Variants in CADM2 observed in about 807,000 individuals in gnomAD.
The protein encoded by CADM2 is immunoglobulin superfamily member 4D.
In CADM2, 12 loss-of-function variants were observed where a neutral mutation model predicts 49.8. The observed-to-expected ratio is 0.24, with a 90% confidence interval of 0.15 to 0.39. The LOEUF (loss-of-function observed/expected upper bound fraction) is 0.39. Among genes scored for constraint, CADM2 ranks in the 10% least tolerant of loss-of-function variants. CADM2 has a pLI of 1.00. For synonymous variants in CADM2, 214 were observed against 175.4 expected (o/e 1.22, Z -1.74); for missense variants, 378 against 492.3 (o/e 0.77, Z 2.20).
At chr3:85,235,020 C>CCTCT (rs920096759) in intron 1 of CADM2, among the ~76,000 whole-genome samples, 12 of 150,694 alleles carry the variant, frequency 8.0e-5, no homozygotes, top group African/African-American at 2.7e-4. Context: ...TTATTAGTGA[C>CCTCT]CTCTCTCTCT....
chr3:85,650,090 A>G (rs2064999572), intron 1 of CADM2, among the ~76,000 whole-genome samples: 1 of 152,142 alleles, frequency 6.6e-6, no homozygotes, highest in African/African-American at 2.4e-5. Flanking sequence ...TTGTGGCTAC[A>G]TATTTTATCT....
chr3:85,174,509 T>C (rs534881675), intron 1 of CADM2, among the ~76,000 whole-genome samples: 52 of 146,376 alleles, frequency 3.6e-4, no homozygotes, highest in Admixed American at 3.3e-3. Flanking sequence ...TATGTGTGTG[T>C]ATATATAAAT....
In CADM2 at chr3:85,564,979, A is replaced by C. The variant is rs143248170; in HGVS notation, c.62-161543A>C. ...ATATAGCTCGAAGCTTTAGATATGCATAGATCTAATTTATGCAAATCAGAG... is the reference window on the plus strand; with the variant it reads ...ATATAGCTCGAAGCTTTAGATATGCCTAGATCTAATTTATGCAAATCAGAG... On this transcript the variant is annotated intron_variant, in intron 1 of 9. Transcript: ENST00000383699. 3.1e-3 allele frequency among the ~76,000 whole-genome samples: 476 copies of C among 152,272 alleles called. 1 individual carries two copies. Among genetic ancestry groups the C allele is most frequent in the African/African-American group, 9.0e-3 (374 of 41,580 alleles).
intron 1 of CADM2, among the ~76,000 whole-genome samples, chr3:85,646,258 C>G (rs1461697325): frequency 6.6e-6 from 1 of 151,976 alleles, no homozygotes; most frequent in African/African-American, 2.4e-5. Flanking sequence ...TGTTTATAGA[C>G]ATGTCAATCT....
intron 1 of CADM2, among the ~76,000 whole-genome samples, chr3:85,126,476 T>C (rs1400386035): frequency 6.6e-6 from 1 of 152,150 alleles, no homozygotes; most frequent in Admixed American, 6.5e-5. Context: ...AAATTTTAAA[T>C]ATAAGAAACA....
intron 1 of CADM2, among the ~76,000 whole-genome samples, chr3:85,194,244 T>A (rs1178831942): frequency 1.3e-5 from 2 of 151,516 alleles, no homozygotes; most frequent in African/African-American, 4.9e-5. Flanking sequence ...CCAGAGAGAG[T>A]GTGGGGCAGG....
intron 3 of CADM2, among the ~76,000 whole-genome samples, chr3:85,820,467 A>T (rs2073483785): frequency 6.6e-6 from 1 of 152,118 alleles, no homozygotes; most frequent in African/African-American, 2.4e-5. Flanking sequence ...ATGAGAATAG[A>T]TGGAATGTTC....
intron 1 of CADM2, among the ~76,000 whole-genome samples, chr3:85,047,165 A>G (rs1233343900): frequency 1.3e-5 from 2 of 152,264 alleles, no homozygotes; most frequent in South Asian, 2.1e-4. Context: ...AATTTCTGTC[A>G]TCATATTCCT....
At chr3:85,830,796 A>ATTTT (rs1487823515) in intron 3 of CADM2, among the ~76,000 whole-genome samples, 6 of 133,286 alleles carry the variant, frequency 4.5e-5, no homozygotes, top group South Asian at 5.1e-4. Flanking sequence ...GTCTTTGTGC[A>ATTTT]TTTTATTTAT....
At chr3:85,751,986 G>A (rs2107862981) in intron 2 of CADM2, among the ~76,000 whole-genome samples, 1 of 151,914 alleles carries the variant, frequency 6.6e-6, no homozygotes, top group African/African-American at 2.4e-5. Context: ...AATCAAAAAG[G>A]GCCCTAGCAC....
intron 5 of CADM2, among the ~76,000 whole-genome samples, chr3:85,889,580 T>G (rs1448101246): frequency 1.3e-5 from 2 of 152,190 alleles, no homozygotes; most frequent in Non-Finnish European, 2.9e-5. Context: ...CTGAGCTTTC[T>G]TTTTCTCCTT....
intron 2 of CADM2, among the ~76,000 whole-genome samples, chr3:85,772,780 G>T (rs1366226546): frequency 2.7e-5 from 4 of 150,042 alleles, no homozygotes; most frequent in African/African-American, 7.3e-5. Flanking sequence ...TCACAGTCTA[G>T]AACAGAAGCT....
At chr3:85,942,235 C>A (rs767231807) in intron 7 of CADM2, among the ~76,000 whole-genome samples, 1 of 152,042 alleles carries the variant, frequency 6.6e-6, no homozygotes, top group Non-Finnish European at 1.5e-5. Flanking sequence ...AAAATACCAC[C>A]AGGCCTGCCC....
chr3:85,082,272 A>T (rs1336156632), intron 1 of CADM2, among the ~76,000 whole-genome samples: 2 of 152,154 alleles, frequency 1.3e-5, no homozygotes, highest in African/African-American at 4.8e-5. Context: ...CAATAAATTG[A>T]TATGTACTTT....
chr3:85,336,886 T>A (rs2107174798), intron 1 of CADM2, among the ~76,000 whole-genome samples: 1 of 141,930 alleles, frequency 7.0e-6, no homozygotes, highest in Admixed American at 7.3e-5. Flanking sequence ...ATATATGAAT[T>A]ATATATATAT....
intron 1 of CADM2, among the ~76,000 whole-genome samples, chr3:85,408,451 G>T (rs570255828): frequency 6.6e-6 from 1 of 152,298 alleles, no homozygotes; most frequent in East Asian, 1.9e-4. Context: ...TGAACCAGTT[G>T]TTCTAAAACT....
rs572458631 is a variant in CADM2, at chr3:85,220,150, A to G, written c.61+260482A>G. On this transcript the variant is annotated intron_variant, in intron 1 of 9. Transcript: ENST00000383699. The stretch of plus-strand genomic sequence containing the variant: ...TAAAATTTTTTTGGCTAGGTTTTCC[A>G]ACAAAATACTAGATTTTTGTTGTTG... Among the ~76,000 whole-genome samples the G allele has an allele frequency of 6.6e-4, 101 of 152,196 alleles. 1 individual carries two copies. The highest frequency in any genetic ancestry group is 2.3e-3 in the African/African-American group (97 of 41,530).
chr3:85,410,410 T>C (rs2035600863), intron 1 of CADM2, among the ~76,000 whole-genome samples: 1 of 152,170 alleles, frequency 6.6e-6, no homozygotes, highest in South Asian at 2.1e-4. Flanking sequence ...TATCTCTCCT[T>C]TTCCTTTTTT....
chr3:85,947,503 G>T lies in CADM2; in HGVS notation c.791+11646G>T, dbSNP rs1722879965. Among the ~76,000 whole-genome samples, 4 of 151,114 alleles carry T rather than the reference G, an allele frequency of 2.6e-5. No individual in the cohort carries two copies. In the South Asian group the frequency reaches 8.3e-4, roughly 31 times the overall value. On this transcript the variant is annotated intron_variant, in intron 7 of 9. Coordinates refer to ENST00000383699, the MANE Select transcript of CADM2 (RefSeq NM_001167675.2). ...CAATATAGTCAGTTTCTTCCAAAATGTCTTCAAAGATATAATATTGGAAAA... is the reference window on the plus strand; with the variant it reads ...CAATATAGTCAGTTTCTTCCAAAATTTCTTCAAAGATATAATATTGGAAAA...
Sources: gnomAD v4.1 joint callset for allele counts (sites outside exome capture counted in the v4.1 genomes callset) on GRCh38, gnomAD v4.1.1 for gene constraint, MANE v1.5 for transcripts, NCBI Gene and HGNC (gene_info 2026-07-23, HGNC 2026-07-21) for gene names.